AATK: variants seen among roughly 807,000 people sequenced by gnomAD.
AATK encodes the protein serine/threonine-protein kinase LMTK1.
In AATK, 91 loss-of-function variants were observed where a neutral mutation model predicts 114.3. The observed-to-expected ratio is 0.80, with a 90% CI of 0.67 to 0.95. The LOEUF is 0.95. AATK is among the 40% of genes least tolerant of loss of function. The pLI, the probability that AATK is intolerant of heterozygous loss-of-function variation, is 0.00. For missense variants in AATK, 2,176 were observed against 1,965.2 expected, an observed-to-expected ratio of 1.11 and a Z score of -2.03; for synonymous variants, 1,075 against 916.5, an observed-to-expected ratio of 1.17 and a Z score of -3.12.
Position 81,119,466 on chromosome 17 carries a change from G to A in AATK, c.3998C>T (p.Pro1333Leu), listed in dbSNP as rs1322774819. The part of the protein sequence containing the change: ...APAAPTPTPA[P>L]FSRFTVSPAP... Reference sequence around the variant, plus strand: ...GGGCGACACCGTGAAGCGCGAGAAGGGAGCGGGCGTGGGCGTGGGCGCAGC... The same window carrying A: ...GGGCGACACCGTGAAGCGCGAGAAGAGAGCGGGCGTGGGCGTGGGCGCAGC... Residue 1333 changes from proline to leucine, a missense_variant, in exon 13 of 14, where the codon CCC (proline) becomes CTC (leucine). Physicochemically the swap from Pro to Leu is moderately conservative, Grantham distance 98. Around this residue, in one of 4 missense-constraint regions of AATK, gnomAD observed 1,701 missense variants for 1,394.7 expected, o/e 1.22. Transcript: ENST00000326724. 2 of 1,510,956 alleles carry A rather than the reference G, an allele frequency of 1.3e-6. No individual in the cohort carries two copies. The highest frequency in any genetic ancestry group is 2.6e-5 in the East Asian group (1 of 38,624). 93.6% of individuals were successfully genotyped at this position (1,510,956 alleles called of 1,614,324 possible).
chr17:81,143,573 G>C (rs1266538162), intron 1 of AATK, among the ~76,000 whole-genome samples: 1 of 141,212 alleles, frequency 7.1e-6, no homozygotes, highest in Non-Finnish European at 1.6e-5. Flanking sequence ...CCCCAGCCAT[G>C]CAGCCCCGCC....
At chr17:81,138,274 C>CACACCCACCCACACAT (rs2061053246) in intron 1 of AATK, among the ~76,000 whole-genome samples, 2 of 147,220 alleles carry the variant, frequency 1.4e-5, no homozygotes, top group Non-Finnish European at 3.0e-5. Flanking sequence ...CCCACATGCA[C>CACACCCACCCACACAT]GTGCACACCC....
chr17:81,125,249 T>G (rs1386050016), intron 7 of AATK: 1 of 723,260 alleles, frequency 1.4e-6, no homozygotes, highest in Non-Finnish European at 2.6e-6. Context: ...GGAGGGACTG[T>G]GTGCGTGGGC....
intron 1 of AATK, among the ~76,000 whole-genome samples, chr17:81,152,902 G>T (rs2061315711): frequency 6.6e-6 from 1 of 151,240 alleles, no homozygotes; most frequent in South Asian, 2.1e-4. Flanking sequence ...GAATGCAATG[G>T]TGTGATCTCG....
chr17:81,118,801 C>T (rs1236743608), intron 13 of AATK, among the ~76,000 whole-genome samples: 1 of 152,216 alleles, frequency 6.6e-6, no homozygotes, highest in African/African-American at 2.4e-5. Context: ...TCCCCCAGGG[C>T]TGCAGCCACA....
At chr17:81,160,033 G>C (rs772629458) in intron 1 of AATK, among the ~76,000 whole-genome samples, 2 of 152,146 alleles carry the variant, frequency 1.3e-5, no homozygotes. Context: ...GCCCTGGCTC[G>C]GGGTAGCATC....
chr17:81,120,576 G>C lies in AATK; in HGVS notation c.3360C>G (p.Pro1120=). 6.5e-7 allele frequency: 1 copy of C among 1,531,768 alleles called. No individual in the cohort carries two copies. The highest frequency in any genetic ancestry group is 1.3e-5 in the South Asian group (1 of 79,982). The allele number at this position is 1,531,768 out of a possible 1,614,324, so 94.9% of individuals were successfully genotyped here. Reference sequence around the variant, plus strand: ...GGGCCGGCCCTGACAACAGTCCTGGGGGCCCCTGGAACTCAGAGCTGTTGC... The same window carrying C: ...GGGCCGGCCCTGACAACAGTCCTGGCGGCCCCTGGAACTCAGAGCTGTTGC... ...SEGNSSEFQG[P]PGLLSGPAPQ... Residue 1120 remains proline (P), a synonymous_variant, in exon 11 of 14, where the codon CCC becomes CCG. Transcript: ENST00000326724.
Position 81,120,720 on chromosome 17 carries a change from G to T in AATK, c.3216C>A (p.Cys1072Ter), listed in dbSNP as rs1307670126. Reference sequence around the variant, plus strand: ...GAGGCTCTGGGACCAGGCCCGAGGGGCAGGTGCTGGGCTCTGGGGAGGACC... The same window carrying T: ...GAGGCTCTGGGACCAGGCCCGAGGGTCAGGTGCTGGGCTCTGGGGAGGACC... ...LEGSSPEPST[C>*]PSGLVPEPPE... The change falls in exon 11 of 14, where the codon TGC (cysteine) becomes TGA (stop). Residue 1072 changes from cysteine to a stop codon, truncating the protein, a stop_gained. Coordinates refer to ENST00000326724, the MANE Select transcript of AATK (RefSeq NM_001080395.3). LOFTEE classifies it high-confidence loss of function. 1.3e-6 allele frequency: 2 copies of T among 1,553,862 alleles called. No individual in the cohort carries two copies. Among genetic ancestry groups the T allele is most frequent in the African/African-American group, 1.4e-5 (1 of 73,720 alleles).
At chr17:81,130,969 G>C (rs2060921715) in intron 3 of AATK, 92 bp downstream of exon 3, 2 of 1,454,262 alleles carry the variant, frequency 1.4e-6, no homozygotes, top group African/African-American at 1.4e-5. Context: ...CCCCACTCCA[G>C]AGCTGAGTCT....
At position 81,131,215 on chromosome 17, in the gene AATK, G is replaced by C. The variant is rs773338299; in HGVS notation, c.190-10C>G. On this transcript the variant is annotated splice_polypyrimidine_tract_variant and intron_variant, in intron 2 of 13. Transcript: ENST00000326724. ...CCGCATTCTCAAACTCCTGCGGGCC[G>C]GGCCGGGCATGAGCGGGGCTTCTCG... 5 of 1,566,906 alleles carry C rather than the reference G, an allele frequency of 3.2e-6. No individual in the cohort carries two copies. The highest frequency in any genetic ancestry group is 3.4e-6 in the Non-Finnish European group (4 of 1,160,406).
In AATK at chr17:81,140,788, TG is replaced by T. The variant is rs2061117357; in HGVS notation, c.56-6288del. On this transcript the variant is annotated intron_variant, in intron 1 of 13. Transcript: ENST00000326724. ...GTGGGGCTGTGGGGCGGTGAGACCG[TG>T]GGGCCGTGAGACCGTGGGGCTGTGA... Among the ~76,000 whole-genome samples the T allele has an allele frequency of 2.7e-5, 2 of 73,280 alleles. 1 individual carries two copies. Among genetic ancestry groups the T allele is most frequent in the African/African-American group, 1.3e-4 (2 of 15,914 alleles). 48.1% of individuals were successfully genotyped at this position (73,280 alleles called of 152,430 possible).
At chr17:81,154,625 A>C (rs1187345204) in intron 1 of AATK, among the ~76,000 whole-genome samples, 7 of 112,318 alleles carry the variant, frequency 6.2e-5, no homozygotes, top group Admixed American at 4.8e-4. Context: ...AGCCTTTCCT[A>C]CTATTTTATT....
chr17:81,146,057 C>A (rs905974989), intron 1 of AATK, among the ~76,000 whole-genome samples: 15 of 151,568 alleles, frequency 9.9e-5, no homozygotes, highest in African/African-American at 3.6e-4. Context: ...GGCGTGGTGG[C>A]GGACACCTGT....
chr17:81,127,569 G>C lies in AATK; in HGVS notation c.621+14C>G. On this transcript the variant is annotated intron_variant, in intron 6 of 13. Transcript: ENST00000326724. ...TCAGCAAAGACCCCAGCATCCCCCC[G>C]GGCAGCAGCTCACCAGTGGGCAGAA... 1.3e-6 allele frequency: 2 copies of C among 1,585,868 alleles called. No individual in the cohort carries two copies. Among genetic ancestry groups the C allele is most frequent in the Non-Finnish European group, 1.7e-6 (2 of 1,166,898 alleles).
At chr17:81,147,285 C>T (rs913860819) in intron 1 of AATK, among the ~76,000 whole-genome samples, 5 of 149,574 alleles carry the variant, frequency 3.3e-5, no homozygotes, top group East Asian at 3.9e-4. Context: ...CGCTTGAACC[C>T]GGAAGGCAGA....
At chr17:81,136,187 A>C (rs1416606291) in intron 1 of AATK, 1 of 152,258 alleles carries the variant, frequency 6.6e-6, no homozygotes, top group East Asian at 1.9e-4. Flanking sequence ...CACCCCTCTA[A>C]CACCTTCGCC....
At chr17:81,123,824 G>A (rs1489142179) in intron 9 of AATK, among the ~76,000 whole-genome samples, 1 of 152,186 alleles carries the variant, frequency 6.6e-6, no homozygotes, top group Non-Finnish European at 1.5e-5. Flanking sequence ...AGAGCGTGCA[G>A]GCGGGTAGGG....
Position 81,119,367 on chromosome 17 carries a change from G to A in AATK, c.4084+13C>T, listed in dbSNP as rs553900248. On this transcript the variant is annotated intron_variant, in intron 13 of 13. Coordinates refer to ENST00000326724, the MANE Select transcript of AATK (RefSeq NM_001080395.3). ...CCGCGTGCCCTTCTGCCACAGCCCC[G>A]CCCAGGCCTCACCTCTCTTGGACTC... The A allele has an allele frequency of 2.9e-5, 23 of 782,274 alleles. No individual in the cohort carries two copies. In the African/African-American group the frequency reaches 3.3e-4, roughly 11 times the overall value. 48.5% of individuals were successfully genotyped at this position (782,274 alleles called of 1,614,324 possible).
At chr17:81,143,580 C>A (rs933824760) in intron 1 of AATK, among the ~76,000 whole-genome samples, 1 of 151,542 alleles carries the variant, frequency 6.6e-6, no homozygotes, top group East Asian at 1.9e-4. Context: ...CATGCAGCCC[C>A]GCCTCCCGTG....
Sources: gnomAD v4.1 joint callset for allele counts (sites outside exome capture counted in the v4.1 genomes callset) on GRCh38, gnomAD v4.1.1 for gene constraint, gnomAD v4.1.1 regional missense constraint, MANE v1.5 for transcripts, NCBI Gene and HGNC (gene_info 2026-07-23, HGNC 2026-07-21) for gene names.